PCDHA3: variants seen among roughly 807,000 people sequenced by gnomAD.
PCDHA3 encodes protocadherin alpha-3.
PCDHA3 carries 41 observed loss-of-function variants against 62.2 expected under a neutral mutation model. That is an observed-to-expected ratio of 0.66 (90% confidence interval 0.51 to 0.86). The LOEUF is 0.86. PCDHA3 is among the 40% of genes least tolerant of loss of function. PCDHA3 has a pLI of 0.00. For synonymous variants in PCDHA3, 640 were observed against 555.4 expected (o/e 1.15, Z -2.14); for missense variants, 1,304 against 1,241.2 (o/e 1.05, Z -0.76).
At chr5:140,870,092 C>T (rs2051656113) in intron 1 of PCDHA3, 2 of 1,613,728 alleles carry the variant, frequency 1.2e-6, no homozygotes, top group African/African-American at 1.3e-5. Context: ...CCCCCAATGG[C>T]AGGTCACTGT....
chr5:140,846,663 C>T lies in PCDHA3; in HGVS notation c.2394+43072C>T, dbSNP rs182609194. ...TGCTGGGATTACAGGCATGAGCCAC[C>T]GCGCCCAGCCTAAAATGCTTTCTTA... On this transcript the variant is annotated intron_variant, in intron 1 of 3. Transcript: ENST00000522353. 1.7e-3 allele frequency among the ~76,000 whole-genome samples: 253 copies of T among 149,206 alleles called. 23 individuals carry two copies. Among genetic ancestry groups the T allele is most frequent in the Middle Eastern group, 3.5e-3 (1 of 286 alleles).
At chr5:140,949,932 TA>T (rs1438940739) in intron 1 of PCDHA3, among the ~76,000 whole-genome samples, 2 of 151,648 alleles carry the variant, frequency 1.3e-5, no homozygotes, top group African/African-American at 2.4e-5. Context: ...AGATTTTTTT[TA>T]ATTTGCATTT....
chr5:140,862,857 T>C (rs782223560), intron 1 of PCDHA3: 7 of 517,122 alleles, frequency 1.4e-5, no homozygotes, highest in African/African-American at 1.1e-4. Context: ...TGAGCAGCAA[T>C]GTGACGCTGC....
At position 140,882,956 on chromosome 5, in the gene PCDHA3, A is replaced by G; in HGVS notation, c.2394+79365A>G. The stretch of plus-strand genomic sequence containing the variant: ...GCTGACTGGCACAGTTCAGCTGCTC[A>G]TCACGATTCTGGACGTGAATGACAA... On this transcript the variant is annotated intron_variant, in intron 1 of 3. Coordinates refer to ENST00000522353, the MANE Select transcript of PCDHA3 (RefSeq NM_018906.3). The G allele has an allele frequency of 6.2e-7, 1 of 1,614,228 alleles. No individual in the cohort carries two copies. The highest frequency in any genetic ancestry group is 8.5e-7 in the Non-Finnish European group (1 of 1,180,044).
At chr5:140,955,965 T>C (rs2095242955) in intron 1 of PCDHA3, among the ~76,000 whole-genome samples, 1 of 152,204 alleles carries the variant, frequency 6.6e-6, no homozygotes, top group Admixed American at 6.5e-5. Context: ...TGTTTGTGCA[T>C]AGGAATGCTA....
At chr5:140,923,043 T>C (rs1274355780) in intron 1 of PCDHA3, among the ~76,000 whole-genome samples, 2 of 152,228 alleles carry the variant, frequency 1.3e-5, no homozygotes, top group Non-Finnish European at 1.5e-5. Context: ...ACATGTATAG[T>C]ATTTAGAATA....
chr5:140,884,811 T>C (rs782097563), intron 1 of PCDHA3: 155 of 1,119,034 alleles, frequency 1.4e-4, no homozygotes, highest in Non-Finnish European at 1.9e-4. Context: ...AACTCTGCTG[T>C]GGACATTATG....
At chr5:140,927,720 G>A in intron 1 of PCDHA3, 6 of 1,614,174 alleles carry the variant, frequency 3.7e-6, no homozygotes, top group Non-Finnish European at 4.2e-6. Context: ...GCAACAGCAC[G>A]CAAGCAGAGC....
In PCDHA3 at chr5:140,848,329, A is replaced by T. The variant is rs2150408889; in HGVS notation, c.2394+44738A>T. 1.7e-5 allele frequency: 14 copies of T among 818,896 alleles called. 1 individual carries two copies. The highest frequency in any genetic ancestry group is 2.5e-5 in the Non-Finnish European group (13 of 512,110). The allele number at this position is 818,896 out of a possible 1,614,324, so 50.7% of individuals were successfully genotyped here. A position where few individuals can be genotyped will look rare whatever the true frequency, so the allele number is the denominator to read the frequency against. On this transcript the variant is annotated intron_variant, in intron 1 of 3. Transcript: ENST00000522353. The stretch of plus-strand genomic sequence containing the variant: ...ACTCTTTGCCGCGATGTTCTCTCTG[A>T]ATCCAGACAAATACAGCCCTTTTCC...
At position 140,802,900 on chromosome 5, in the gene PCDHA3, C is replaced by G. The variant is rs758831845; in HGVS notation, c.1703C>G (p.Pro568Arg). ...ENDNAPALLMPRVGGIGGAVS... is the reference protein window; with the variant it reads ...ENDNAPALLMRRVGGIGGAVS... ...GACAACGCGCCGGCACTGCTGATGC[C>G]TCGGGTGGGTGGCATCGGTGGCGCA... is the stretch of plus-strand genomic sequence containing the variant. The change falls in exon 1 of 4, where the codon CCT becomes CGT. Residue 568 changes from proline (P) to arginine (R), a missense_variant. Transcript: ENST00000522353. 6.6e-5 allele frequency: 106 copies of G among 1,613,672 alleles called. No homozygotes were observed. Among genetic ancestry groups the G allele is most frequent in the Non-Finnish European group, 8.8e-5 (104 of 1,179,916 alleles).
chr5:140,850,235 G>C (rs2041450021), intron 1 of PCDHA3: 1 of 1,593,876 alleles, frequency 6.3e-7, no homozygotes, highest in African/African-American at 1.3e-5. Flanking sequence ...TGAGCGAGAT[G>C]GTGCTGCGGT....
At chr5:140,916,270 G>T (rs1487301756) in intron 1 of PCDHA3, among the ~76,000 whole-genome samples, 2 of 152,180 alleles carry the variant, frequency 1.3e-5, no homozygotes, top group Non-Finnish European at 2.9e-5. Context: ...GAGCATGCTT[G>T]TTGCTCTACT....
intron 1 of PCDHA3, chr5:140,858,692 C>A: frequency 1.7e-6 from 1 of 580,634 alleles, no homozygotes; most frequent in Non-Finnish European, 2.9e-6. Flanking sequence ...TAATATTTTC[C>A]AATACAAATA....
intron 1 of PCDHA3, chr5:140,851,422 A>C (rs1554145396): frequency 1.1e-6 from 1 of 948,550 alleles, no homozygotes; most frequent in Non-Finnish European, 1.3e-6. Flanking sequence ...ACTTCCCCTA[A>C]ACTTTAGAAA....
Position 140,896,583 on chromosome 5 carries a change from GC to G in PCDHA3, c.2395-82364del, listed in dbSNP as rs1194968470. The stretch of plus-strand genomic sequence containing the variant: ...GTAGAGATGGGGTTTTGACGTGTTG[GC>G]CAGGCTGGTCTCGAACTCCTGGTCT... On this transcript the variant is annotated intron_variant, in intron 1 of 3. Coordinates refer to ENST00000522353, the MANE Select transcript of PCDHA3 (RefSeq NM_018906.3). Among the ~76,000 whole-genome samples, 4 of 151,654 alleles carry G rather than the reference GC, an allele frequency of 2.6e-5. No individual in the cohort carries two copies. In the East Asian group the frequency reaches 7.8e-4, roughly 29 times the overall value.
At chr5:140,850,196 A>G (rs1367952118) in intron 1 of PCDHA3, 1 of 1,592,698 alleles carries the variant, frequency 6.3e-7, no homozygotes, top group East Asian at 2.2e-5. Context: ...CGCTGCTGAC[A>G]CCTCGGATGA....
rs1581309045 is a variant in PCDHA3, at chr5:140,853,255, T to G, written c.2394+49664T>G. On this transcript the variant is annotated intron_variant, in intron 1 of 3. Transcript: ENST00000522353. Reference sequence around the variant, plus strand: ...GTCCTTCATATTAATCTCTATTCTCTCTCAGAGTACAAGCTCTCATCATAT... The same window carrying G: ...GTCCTTCATATTAATCTCTATTCTCGCTCAGAGTACAAGCTCTCATCATAT... 7 of 974,424 alleles carry G rather than the reference T, an allele frequency of 7.2e-6. 1 individual carries two copies. Among genetic ancestry groups the G allele is most frequent in the Non-Finnish European group, 8.7e-6 (7 of 807,532 alleles). The allele number at this position is 974,424 out of a possible 1,614,324, so 60.4% of individuals were successfully genotyped here. A position where few individuals can be genotyped will look rare whatever the true frequency, so the allele number is the denominator to read the frequency against.
In PCDHA3 at chr5:141,005,148, G is replaced by T. The variant is rs528805353; in HGVS notation, c.2543-4479G>T. The stretch of plus-strand genomic sequence containing the variant: ...AAGTGCCTCATTGGAGAGTTGTTTG[G>T]TCTGCTAAAGAGTGGGTACCACTTT... On this transcript the variant is annotated intron_variant, in intron 3 of 3. Transcript: ENST00000522353. 3.3e-5 allele frequency among the ~76,000 whole-genome samples: 5 copies of T among 152,328 alleles called. No individual in the cohort carries two copies. The South Asian group carries it at 1.0e-3, about 32-fold the overall frequency.
At chr5:140,929,379 GT>G (rs1554207046) in intron 1 of PCDHA3, 1 of 1,513,346 alleles carries the variant, frequency 6.6e-7, no homozygotes, top group African/African-American at 1.4e-5. Context: ...GCTGCTAGCT[GT>G]GTTTTGAAAT....
Sources: gnomAD v4.1 joint callset for allele counts (sites outside exome capture counted in the v4.1 genomes callset) on GRCh38, gnomAD v4.1.1 for gene constraint, MANE v1.5 for transcripts, NCBI Gene and HGNC (gene_info 2026-07-23, HGNC 2026-07-21) for gene names.